Variants in FLRT2 observed in about 807,000 individuals in gnomAD.
FLRT2 encodes the protein leucine-rich repeat transmembrane protein FLRT2.
FLRT2 carries 15 observed loss-of-function variants against 40.0 expected under a neutral mutation model. The ratio of observed to expected loss-of-function variants is 0.38; its 90% CI spans 0.25 to 0.58. FLRT2 has a LOEUF of 0.58. FLRT2 is among the 20% of genes least tolerant of loss of function. FLRT2 has a pLI of 0.71. For missense variants in FLRT2, 726 were observed against 840.0 expected, an observed-to-expected ratio of 0.86 and a Z score of 1.68; for synonymous variants, 380 against 336.8, an observed-to-expected ratio of 1.13 and a Z score of -1.41.
chr14:85,642,909 T>A lies in FLRT2; in HGVS notation c.*19412T>A, dbSNP rs1894185658. On this transcript the variant is annotated 3_prime_UTR_variant, in exon 2 of 2. Coordinates refer to ENST00000330753, the MANE Select transcript of FLRT2 (RefSeq NM_013231.6). ...CTGCTGTAACAAAAATACCATAGAC[T>A]GAGTGGCTTAAACAATAAACATTTA... The A allele has an allele frequency of 6.6e-6, 1 of 152,208 alleles. No homozygotes were observed. The highest frequency in any genetic ancestry group is 1.5e-5 in the Non-Finnish European group (1 of 68,042). 9.4% of individuals were successfully genotyped at this position (152,208 alleles called of 1,614,324 possible).
intron 1 of FLRT2, among the ~76,000 whole-genome samples, chr14:85,596,230 C>G (rs1305742410): frequency 6.6e-6 from 1 of 152,242 alleles, no homozygotes; most frequent in Non-Finnish European, 1.5e-5. Flanking sequence ...ACGTTATCTT[C>G]TCTTCCAGAT....
chr14:85,553,596 G>A (rs1428236811), intron 1 of FLRT2, among the ~76,000 whole-genome samples: 2 of 152,098 alleles, frequency 1.3e-5, no homozygotes, highest in Non-Finnish European at 2.9e-5. Flanking sequence ...TGGGGACTAC[G>A]GACATTAGAT....
At position 85,625,427 on chromosome 14, in the gene FLRT2, TTA is replaced by T. The variant is rs1201480081; in HGVS notation, c.*1934_*1935del. ...ATTTTCTTTAATAATATAGCCCAAC[TTA>T]TATGTTTTAATCTCCCTTGTCCCTC... On this transcript the variant is annotated 3_prime_UTR_variant, in exon 2 of 2. Coordinates refer to ENST00000330753, the MANE Select transcript of FLRT2 (RefSeq NM_013231.6). 2.4e-5 allele frequency: 4 copies of T among 167,044 alleles called. No individual in the cohort carries two copies. In the Admixed American group the frequency reaches 2.6e-4, roughly 11 times the overall value. 10.3% of individuals were successfully genotyped at this position (167,044 alleles called of 1,614,324 possible).
chr14:85,572,479 T>A (rs759176056), intron 1 of FLRT2, among the ~76,000 whole-genome samples: 1 of 152,224 alleles, frequency 6.6e-6, no homozygotes, highest in Non-Finnish European at 1.5e-5. Context: ...TCCAGTAATT[T>A]TTTGTACTGT....
In FLRT2 at chr14:85,636,693, G is replaced by A. The variant is rs1324371197; in HGVS notation, c.*13196G>A. ...TAATCCCAGCACTTTTGGAGGCTGAGGTGGGTGAATTATTTATTTGAGGTC... is the reference window on the plus strand; with the variant it reads ...TAATCCCAGCACTTTTGGAGGCTGAAGTGGGTGAATTATTTATTTGAGGTC... On this transcript the variant is annotated 3_prime_UTR_variant, in exon 2 of 2. Transcript: ENST00000330753. The A allele has an allele frequency of 6.6e-6, 1 of 151,924 alleles. No homozygotes were observed. The highest frequency in any genetic ancestry group is 6.6e-5 in the Admixed American group (1 of 15,254). 9.4% of individuals were successfully genotyped at this position (151,924 alleles called of 1,614,324 possible).
At chr14:85,581,560 G>C (rs997248999) in intron 1 of FLRT2, among the ~76,000 whole-genome samples, 1 of 152,062 alleles carries the variant, frequency 6.6e-6, no homozygotes, top group Non-Finnish European at 1.5e-5. Context: ...ACAAGTAAAA[G>C]AATATTAATG....
In FLRT2 at chr14:85,643,696, G is replaced by A. The variant is rs1284380530; in HGVS notation, c.*20199G>A. The A allele has an allele frequency of 2.0e-5, 3 of 151,878 alleles. No individual in the cohort carries two copies. Among genetic ancestry groups the A allele is most frequent in the African/African-American group, 7.2e-5 (3 of 41,402 alleles). 9.4% of individuals were successfully genotyped at this position (151,878 alleles called of 1,614,324 possible). On this transcript the variant is annotated 3_prime_UTR_variant, in exon 2 of 2. Coordinates refer to ENST00000330753, the MANE Select transcript of FLRT2 (RefSeq NM_013231.6). ...GCGTGAGCCATTGCACCTGGCCAGA[G>A]GGTGTTTCTTTAAGGCATTTATTAA...
intron 1 of FLRT2, among the ~76,000 whole-genome samples, chr14:85,601,386 A>G (rs78580752): frequency 0.011 from 1,679 of 152,328 alleles, 22 homozygotes; most frequent in Non-Finnish European, 0.018. Flanking sequence ...AGGTTCTGGA[A>G]CACAGCCAGA....
At position 85,648,383 on chromosome 14, in the gene FLRT2, G is replaced by A. The variant is rs1894358334; in HGVS notation, c.*24886G>A. ...TGTTGCTAGGGGGCTGAATGCGAAC[G>A]AGGTTTCACCATTAAATATACTTAT... On this transcript the variant is annotated 3_prime_UTR_variant, in exon 2 of 2. Transcript: ENST00000330753. 1 of 152,112 alleles carries A rather than the reference G, an allele frequency of 6.6e-6. No individual in the cohort carries two copies. Among genetic ancestry groups the A allele is most frequent in the African/African-American group, 2.4e-5 (1 of 41,420 alleles). 9.4% of individuals were successfully genotyped at this position (152,112 alleles called of 1,614,324 possible). A position where few individuals can be genotyped will look rare whatever the true frequency, so the allele number is the denominator to read the frequency against.
At chr14:85,590,380 G>A (rs1380316946) in intron 1 of FLRT2, among the ~76,000 whole-genome samples, 1 of 152,050 alleles carries the variant, frequency 6.6e-6, no homozygotes, top group Non-Finnish European at 1.5e-5. Flanking sequence ...TTTTTCATCT[G>A]AGCATAAGAG....
Position 85,622,521 on chromosome 14 carries a change from G to A in FLRT2, c.1007G>A (p.Gly336Asp). The change falls in exon 2 of 2, where the codon GGT (glycine) becomes GAT (aspartate). Residue 336 changes from glycine (G) to aspartate (D), a missense_variant. By Grantham distance (94) the Gly-to-Asp change is moderately conservative. This residue lies in a region of FLRT2 where 611 missense variants were observed against 690.0 expected (regional missense o/e 0.89). Transcript: ENST00000330753. The stretch of plus-strand genomic sequence containing the variant: ...ATCCCTTCATCTCTCAACGTGCGGG[G>A]TTTCATGTGCCAAGGTCCTGAACAA... ...KYIPSSLNVRGFMCQGPEQVR... is the reference protein window; with the variant it reads ...KYIPSSLNVRDFMCQGPEQVR... 2 of 1,614,050 alleles carry A rather than the reference G, an allele frequency of 1.2e-6. No individual in the cohort carries two copies. Among genetic ancestry groups the A allele is most frequent in the Non-Finnish European group, 1.7e-6 (2 of 1,180,018 alleles).
chr14:85,622,722 C>T lies in FLRT2; in HGVS notation c.1208C>T (p.Ser403Leu), dbSNP rs149450183. ...RSYTPPTPTT[S>L]KLPTIPDWDG... Reference sequence around the variant, plus strand: ...TACACGCCTCCAACTCCTACCACATCGAAACTTCCCACGATTCCTGACTGG... The same window carrying T: ...TACACGCCTCCAACTCCTACCACATTGAAACTTCCCACGATTCCTGACTGG... Residue 403 changes from serine to leucine, a missense_variant, in exon 2 of 2, where the codon TCG becomes TTG. Physicochemically the swap from Ser to Leu is moderately radical, Grantham distance 145 (BLOSUM62 -2). Around this residue, in one of 3 missense-constraint regions of FLRT2, gnomAD observed 611 missense variants for 690.0 expected, o/e 0.89. Coordinates refer to ENST00000330753, the MANE Select transcript of FLRT2 (RefSeq NM_013231.6). 7.4e-6 allele frequency: 12 copies of T among 1,614,054 alleles called. No individual in the cohort carries two copies. The highest frequency in any genetic ancestry group is 1.0e-5 in the Non-Finnish European group (12 of 1,180,012).
rs762221596 is a variant in FLRT2, at chr14:85,654,043, C to T, written c.*30546C>T. 7.2e-5 allele frequency: 11 copies of T among 151,900 alleles called. No individual in the cohort carries two copies. Among genetic ancestry groups the T allele is most frequent in the Non-Finnish European group, 1.0e-4 (7 of 67,984 alleles). The allele number at this position is 151,900 out of a possible 1,614,324, so 9.4% of individuals were successfully genotyped here. On this transcript the variant is annotated 3_prime_UTR_variant, in exon 2 of 2. Transcript: ENST00000330753. ...CATGTATGGTCTTGTTTTTTGAGGT[C>T]GTCTGATGAAATCAGAATGATTTCA...
Position 85,641,001 on chromosome 14 carries a change from T to C in FLRT2, c.*17504T>C, listed in dbSNP as rs949061111. ...TAGATTTGGTATGAGTTAAAATGCATAGAAAGCATGTACTACATCTAGTGC... is the reference window on the plus strand; with the variant it reads ...TAGATTTGGTATGAGTTAAAATGCACAGAAAGCATGTACTACATCTAGTGC... On this transcript the variant is annotated 3_prime_UTR_variant, in exon 2 of 2. Coordinates refer to ENST00000330753, the MANE Select transcript of FLRT2 (RefSeq NM_013231.6). The C allele has an allele frequency of 7.9e-5, 12 of 152,328 alleles. No homozygotes were observed. Among genetic ancestry groups the C allele is most frequent in the African/African-American group, 2.9e-4 (12 of 41,564 alleles). 9.4% of individuals were successfully genotyped at this position (152,328 alleles called of 1,614,324 possible). A position where few individuals can be genotyped will look rare whatever the true frequency, so the allele number is the denominator to read the frequency against.
intron 1 of FLRT2, among the ~76,000 whole-genome samples, chr14:85,540,971 C>T (rs1888952933): frequency 6.6e-6 from 1 of 152,098 alleles, no homozygotes; most frequent in South Asian, 2.1e-4. Flanking sequence ...GTTTATATCT[C>T]TGAAATGCAC....
intron 1 of FLRT2, among the ~76,000 whole-genome samples, chr14:85,596,153 G>T (rs897294855): frequency 6.6e-6 from 1 of 152,192 alleles, no homozygotes; most frequent in Non-Finnish European, 1.5e-5. Flanking sequence ...ATAGGGCAAG[G>T]AGGCTGCATC....
intron 1 of FLRT2, among the ~76,000 whole-genome samples, chr14:85,569,188 A>G (rs1218626661): frequency 3.3e-5 from 5 of 152,198 alleles, no homozygotes; most frequent in Non-Finnish European, 7.3e-5. Flanking sequence ...GCCTTTGAGC[A>G]TTGTTCTTTA....
intron 1 of FLRT2, among the ~76,000 whole-genome samples, chr14:85,613,802 C>A (rs1893003904): frequency 6.6e-6 from 1 of 152,152 alleles, no homozygotes; most frequent in Non-Finnish European, 1.5e-5. Context: ...AGTTCAAGTC[C>A]TAGCCCTGTC....
rs926394122 is a variant in FLRT2 at position 85,646,609 on chromosome 14, A to AT, written c.*23121dup. ...CCTCTTCTGTTTCAGGGCTTCTCGAATTTTTTTTTCTTTTATTTATTTTTT... is the reference window on the plus strand; with the variant it reads ...CCTCTTCTGTTTCAGGGCTTCTCGAATTTTTTTTTTCTTTTATTTATTTTTT... On this transcript the variant is annotated 3_prime_UTR_variant, in exon 2 of 2. Coordinates refer to ENST00000330753, the MANE Select transcript of FLRT2 (RefSeq NM_013231.6). 6 of 151,560 alleles carry AT rather than the reference A, an allele frequency of 4.0e-5. No homozygotes were observed. Among genetic ancestry groups the AT allele is most frequent in the Non-Finnish European group, 5.9e-5 (4 of 67,854 alleles). 9.4% of individuals were successfully genotyped at this position (151,560 alleles called of 1,614,324 possible).
Sources: allele counts gnomAD v4.1 joint callset (sites outside exome capture counted in the v4.1 genomes callset), GRCh38; gene constraint gnomAD v4.1.1; regional missense constraint gnomAD v4.1.1; transcripts MANE v1.5; gene names NCBI Gene and HGNC (gene_info 2026-07-23, HGNC 2026-07-21).